ANKFN1: variants seen among roughly 807,000 people sequenced by gnomAD.
ANKFN1 encodes the protein ankyrin repeat and fibronectin type-III domain-containing protein 1.
Under a neutral mutation model 108.7 loss-of-function variants are expected in ANKFN1, and 74 were observed. That is an observed-to-expected ratio of 0.68 (90% CI 0.56 to 0.83). The LOEUF is 0.83. Among genes scored for constraint, ANKFN1 ranks in the 40% least tolerant of loss-of-function variants. ANKFN1 has a pLI of 0.00. For missense variants in ANKFN1, 1,505 were observed against 1,382.3 expected (o/e 1.09, Z -1.41); for synonymous variants, 547 against 516.2 (o/e 1.06, Z -0.81).
chr17:56,122,986 G>A (rs1276582094), intron 4 of ANKFN1, among the ~76,000 whole-genome samples: 1 of 152,166 alleles, frequency 6.6e-6, no homozygotes, highest in Non-Finnish European at 1.5e-5. Flanking sequence ...TTTGTATAAG[G>A]TGAGCCTAAT....
At chr17:56,239,046 A>G (rs1007515837) in intron 3 of ANKFN1, among the ~76,000 whole-genome samples, 1 of 152,158 alleles carries the variant, frequency 6.6e-6, no homozygotes, top group African/African-American at 2.4e-5. Context: ...CCTTGCCATG[A>G]AAATGTTTTC....
At chr17:56,361,286 G>A (rs948787708) in intron 6 of ANKFN1, among the ~76,000 whole-genome samples, 4 of 151,868 alleles carry the variant, frequency 2.6e-5, no homozygotes, top group African/African-American at 4.8e-5. Context: ...TAATCCCCAC[G>A]TGCACACACA....
chr17:56,379,396 C>G (rs1178220987), intron 8 of ANKFN1, among the ~76,000 whole-genome samples: 2 of 147,646 alleles, frequency 1.4e-5, no homozygotes, highest in African/African-American at 5.0e-5. Flanking sequence ...GAGACTCCAT[C>G]TCAAGAAAAA....
chr17:56,235,558 A>G (rs996653527), intron 3 of ANKFN1, among the ~76,000 whole-genome samples: 3 of 152,106 alleles, frequency 2.0e-5, no homozygotes, highest in African/African-American at 4.8e-5. Flanking sequence ...GTCCCGTTTC[A>G]ATCTTCTGCA....
chr17:56,122,361 C>T lies in ANKFN1; in HGVS notation c.288+76036C>T, dbSNP rs143091513. Among the ~76,000 whole-genome samples the T allele has an allele frequency of 4.7e-3, 720 of 152,230 alleles. 7 individuals carry two copies. The highest frequency in any genetic ancestry group is 0.044 in the Middle Eastern group (13 of 294). ...AGGAACCTAAAAGGAAGGAAACGTG[C>T]CTGAGATCTTCTTTGTTGTCACTGT... On this transcript the variant is annotated intron_variant, in intron 4 of 12. Coordinates refer to the ANKFN1 transcript ENST00000635860.
At chr17:56,389,538 C>A (rs2047370114) in intron 8 of ANKFN1, among the ~76,000 whole-genome samples, 1 of 152,172 alleles carries the variant, frequency 6.6e-6, no homozygotes, top group African/African-American at 2.4e-5. Flanking sequence ...TTCTAAGTCA[C>A]TTCTCCTTTT....
At chr17:56,122,720 G>A (rs984237767) in intron 4 of ANKFN1, among the ~76,000 whole-genome samples, 1 of 152,180 alleles carries the variant, frequency 6.6e-6, no homozygotes, top group Non-Finnish European at 1.5e-5. Flanking sequence ...AAATCAAATA[G>A]TCTAATTAAT....
intron 3 of ANKFN1, among the ~76,000 whole-genome samples, chr17:56,293,764 A>G (rs16957059): frequency 0.016 from 2,403 of 152,330 alleles, 22 homozygotes; most frequent in Middle Eastern, 0.034. Context: ...TAAGTCTTCA[A>G]TAAATATTCG....
Position 56,510,802 on chromosome 17 carries a change from C to G in ANKFN1, c.2974C>G (p.Pro992Ala), listed in dbSNP as rs2051727963. The G allele has an allele frequency of 1.3e-6, 2 of 1,536,060 alleles. No homozygotes were observed. Among genetic ancestry groups the G allele is most frequent in the Non-Finnish European group, 1.7e-6 (2 of 1,146,916 alleles). ...CGCCAAGACTGTGTCCGGTGGGCGG[C>G]CCCCGCTAGGCTTCCTGGGAAAGCG... is the stretch of plus-strand genomic sequence containing the variant. Reference protein sequence around the residue: ...NHAKTVSGGRPPLGFLGKRKP... With the variant: ...NHAKTVSGGRAPLGFLGKRKP... Residue 992 changes from proline (P) to alanine (A), a missense_variant, in exon 21 of 21, where the codon CCC becomes GCC. Transcript: ENST00000682825.
intron 4 of ANKFN1, among the ~76,000 whole-genome samples, chr17:56,080,680 A>G (rs1905235490): frequency 6.6e-6 from 1 of 152,204 alleles, no homozygotes; most frequent in African/African-American, 2.4e-5. Context: ...TGAGGCCCAG[A>G]GAGCTTAAGT....
chr17:56,353,587 G>A (rs1256599540), intron 5 of ANKFN1, among the ~76,000 whole-genome samples: 1 of 152,026 alleles, frequency 6.6e-6, no homozygotes, highest in Non-Finnish European at 1.5e-5. Flanking sequence ...AAAAGCTGAG[G>A]TTTGCTCTTA....
At chr17:56,488,367 T>C (rs963666588) in intron 18 of ANKFN1, among the ~76,000 whole-genome samples, 6 of 152,096 alleles carry the variant, frequency 3.9e-5, no homozygotes, top group Admixed American at 2.6e-4. Flanking sequence ...AAGAGCAAGA[T>C]GAAGGAGCCA....
intron 8 of ANKFN1, among the ~76,000 whole-genome samples, chr17:56,413,325 C>T (rs1179681857): frequency 6.6e-6 from 1 of 151,974 alleles, no homozygotes. Context: ...ACTTTGGGGC[C>T]AAGATTATGG....
intron 6 of ANKFN1, among the ~76,000 whole-genome samples, chr17:56,359,016 T>C (rs1039929855): frequency 2.6e-5 from 4 of 152,180 alleles, no homozygotes; most frequent in Admixed American, 2.6e-4. Flanking sequence ...TAGATAGTAA[T>C]CATAAAGAAA....
At position 56,456,892 on chromosome 17, in the gene ANKFN1, GCAGT is replaced by G. The variant is rs1381399359; in HGVS notation, c.1245_1248del (p.Val416GlnfsTer4). On this transcript the variant is annotated frameshift_variant, in exon 12 of 21. Transcript: ENST00000682825. LOFTEE classifies it high-confidence loss of function. Reference sequence around the variant, plus strand: ...CAAAATTACAAACCACAGGCCGCAAGCAGTCAGTCTCAAGAAGCCTGAAACACCT... The same window carrying G: ...CAAAATTACAAACCACAGGCCGCAAGCAGTCTCAAGAAGCCTGAAACACCT... The G allele has an allele frequency of 6.2e-7, 1 of 1,614,084 alleles. No individual in the cohort carries two copies. The highest frequency in any genetic ancestry group is 1.1e-5 in the South Asian group (1 of 91,066).
Position 56,480,807 on chromosome 17 carries a change from C to A in ANKFN1, c.2080C>A (p.Pro694Thr), listed in dbSNP as rs200567630. 2.3e-5 allele frequency: 37 copies of A among 1,613,508 alleles called. No individual in the cohort carries two copies. Among genetic ancestry groups the A allele is most frequent in the Middle Eastern group, 3.3e-4 (2 of 6,058 alleles). Residue 694 changes from proline (P) to threonine (T), a missense_variant, in exon 17 of 21, where the codon CCT (proline) becomes ACT (threonine). Transcript: ENST00000682825. ...VKALLQQINI[P>T]LHQARNFRLY... ...AGCTCTCCTTCAGCAGATCAATATA[C>A]CTCTACACCAGGTACTAGACTTTAC...
intron 4 of ANKFN1, among the ~76,000 whole-genome samples, chr17:56,087,342 A>G (rs577582364): frequency 6.6e-6 from 1 of 151,540 alleles, no homozygotes; most frequent in South Asian, 2.1e-4. Flanking sequence ...GACTGTGGAC[A>G]ACAGTGACCA....
intron 8 of ANKFN1, among the ~76,000 whole-genome samples, chr17:56,426,158 A>T (rs1279137432): frequency 6.6e-6 from 1 of 152,220 alleles, no homozygotes; most frequent in Non-Finnish European, 1.5e-5. Flanking sequence ...CTATGGGCCA[A>T]GTACCTTACT....
intron 3 of ANKFN1, among the ~76,000 whole-genome samples, chr17:56,325,019 A>G (rs1460315217): frequency 2.0e-5 from 3 of 152,188 alleles, no homozygotes; most frequent in African/African-American, 7.2e-5. Flanking sequence ...AGCAATTACC[A>G]GGCCAAAGAT....
Sources: allele counts gnomAD v4.1 joint callset (sites outside exome capture counted in the v4.1 genomes callset), GRCh38; gene constraint gnomAD v4.1.1; transcripts MANE v1.5; gene names NCBI Gene and HGNC (gene_info 2026-07-23, HGNC 2026-07-21).